Variants in NAV1 observed in about 807,000 individuals in gnomAD.
NAV1 encodes the protein neuron navigator 1, also known as pore membrane and/or filament interacting like protein 3.
Under a neutral mutation model 175.2 loss-of-function variants are expected in NAV1, and 18 were observed. The ratio of observed to expected loss-of-function variants is 0.10; its 90% CI spans 0.07 to 0.15. NAV1 has a LOEUF of 0.15. Ranked by LOEUF, NAV1 falls within the 10% of genes least tolerant of loss-of-function variation. The probability of loss-of-function intolerance (pLI) is 1.00; values close to 1 mark genes in which losing one functional copy is unlikely to be tolerated. For missense variants in NAV1, 1,731 were observed against 2,436.6 expected (o/e 0.71, Z 6.10); for synonymous variants, 897 against 978.7 (o/e 0.92, Z 1.56).
intron 1 of NAV1, among the ~76,000 whole-genome samples, chr1:201,660,079 G>A (rs972895805): frequency 6.6e-6 from 1 of 152,162 alleles, no homozygotes; most frequent in Non-Finnish European, 1.5e-5. Flanking sequence ...GGGCCTTGAT[G>A]GTGACGTGAT....
In NAV1 at chr1:201,808,673, G is replaced by A. The variant is rs371739879; in HGVS notation, c.4039-30G>A. On this transcript the variant is annotated intron_variant, in intron 19 of 29. Transcript: ENST00000367296. The surrounding 1 kb of genome is among the most constrained non-coding windows in gnomAD (Gnocchi z 5.5). ...CCAAGGCTTGCTGTCTGTCCAGTCT[G>A]CCACCCTACCCTGTCTGTTCTTGCC... is the stretch of plus-strand genomic sequence containing the variant. 3.1e-6 allele frequency: 5 copies of A among 1,614,134 alleles called. No individual in the cohort carries two copies. In the African/African-American group the frequency reaches 6.7e-5, roughly 22 times the overall value.
intron 1 of NAV1, among the ~76,000 whole-genome samples, chr1:201,707,595 A>C (rs1243287169): frequency 1.3e-5 from 2 of 152,140 alleles, no homozygotes; most frequent in Non-Finnish European, 2.9e-5. Flanking sequence ...TAGGGTCCCA[A>C]TCTCTTGATG....
At chr1:201,649,523 T>A (rs1281251090) in intron 1 of NAV1, 98 bp downstream of exon 5, 2 of 1,431,146 alleles carry the variant, frequency 1.4e-6, no homozygotes, top group African/African-American at 2.9e-5. Flanking sequence ...CCTTGCGCCT[T>A]CCCGGAGGGC....
chr1:201,607,012 A>C (rs1023521212), intron 2 of NAV1, among the ~76,000 whole-genome samples: 2 of 152,216 alleles, frequency 1.3e-5, no homozygotes, highest in Non-Finnish European at 2.9e-5. Context: ...CAGAGTCCCA[A>C]GCAAAACTAT....
rs1344129538 is a variant in NAV1 at position 201,607,683 on chromosome 1, G to T, written c.-32-15170G>T. Among the ~76,000 whole-genome samples, 7 of 150,530 alleles carry T rather than the reference G, an allele frequency of 4.7e-5. No individual in the cohort carries two copies. The East Asian group carries it at 1.4e-3, about 30-fold the overall frequency. On this transcript the variant is annotated intron_variant, in intron 2 of 33. Transcript: ENST00000685211. ...ATTTTTGTATTTTTAGTAGAGACAGGGTTTCACCATGTTGGCCAGGCTGGT... is the reference window on the plus strand; with the variant it reads ...ATTTTTGTATTTTTAGTAGAGACAGTGTTTCACCATGTTGGCCAGGCTGGT...
At position 201,740,127 on chromosome 1, in the gene NAV1, C is replaced by A. The variant is rs1012816121; in HGVS notation, c.1226+21372C>A. 3.9e-5 allele frequency: 54 copies of A among 1,390,922 alleles called. No individual in the cohort carries two copies. In the African/African-American group the frequency reaches 5.4e-4, roughly 14 times the overall value. 86.2% of individuals were successfully genotyped at this position (1,390,922 alleles called of 1,614,324 possible). ...CACCGCCAGACCGCAGAGCTGGGGTCGGGTTTGTGGCACCCCCAGCCCCGC... is the reference window on the plus strand; with the variant it reads ...CACCGCCAGACCGCAGAGCTGGGGTAGGGTTTGTGGCACCCCCAGCCCCGC... On this transcript the variant is annotated intron_variant, in intron 3 of 29. Coordinates refer to ENST00000367296, the Ensembl canonical transcript of NAV1. The surrounding 1 kb of genome is among the most constrained non-coding windows in gnomAD (Gnocchi z 4.7).
chr1:201,667,400 G>A (rs77491971), intron 1 of NAV1, among the ~76,000 whole-genome samples: 2,370 of 152,266 alleles, frequency 0.016, 64 homozygotes, highest in African/African-American at 0.053. Context: ...GGAAGGAGTG[G>A]GTGGGACCAT....
chr1:201,662,358 G>T (rs1288839456), intron 1 of NAV1, among the ~76,000 whole-genome samples: 1 of 152,236 alleles, frequency 6.6e-6, no homozygotes, highest in Admixed American at 6.5e-5. Flanking sequence ...GTTTAATTCT[G>T]CATTCTGCAC....
rs117569792 is a variant in NAV1, at chr1:201,685,844, G to A, written c.758-26973G>A. Reference sequence around the variant, plus strand: ...GCTCTTCGTATCCACGCTGAACCCCGTCCATTCTTCTGAATGCCCTGGGCT... The same window carrying A: ...GCTCTTCGTATCCACGCTGAACCCCATCCATTCTTCTGAATGCCCTGGGCT... On this transcript the variant is annotated intron_variant, in intron 1 of 29. Transcript: ENST00000367296. Among the ~76,000 whole-genome samples the A allele has an allele frequency of 5.2e-3, 793 of 152,270 alleles. 3 individuals are homozygous for A. The highest frequency in any genetic ancestry group is 0.04 in the East Asian group (210 of 5,186).
At chr1:201,611,679 C>A (rs974623974) in intron 2 of NAV1, among the ~76,000 whole-genome samples, 1 of 152,198 alleles carries the variant, frequency 6.6e-6, no homozygotes, top group African/African-American at 2.4e-5. Context: ...GGTCTGTAAA[C>A]CACAAATATT....
chr1:201,571,527 C>T (rs1666543439), intron 1 of NAV1, among the ~76,000 whole-genome samples: 1 of 152,174 alleles, frequency 6.6e-6, no homozygotes, highest in Non-Finnish European at 1.5e-5. Context: ...GGAAACCAGT[C>T]CCCCACCATG....
At chr1:201,589,214 C>T (rs898849081) in intron 2 of NAV1, among the ~76,000 whole-genome samples, 21 of 152,154 alleles carry the variant, frequency 1.4e-4, no homozygotes, top group African/African-American at 4.8e-4. Context: ...TATTCAGCCC[C>T]ACACTTCTCT....
At position 201,807,815 on chromosome 1, in the gene NAV1, G is replaced by C. The variant is rs1427878878; in HGVS notation, c.3649-138G>C. On this transcript the variant is annotated intron_variant, in intron 17 of 29. Transcript: ENST00000367296. The surrounding 1 kb of genome is among the most constrained non-coding windows in gnomAD (Gnocchi z 5.4). Reference sequence around the variant, plus strand: ...TCTGTCCGTATTCTATGAATCAAGTGAAGTGTTATAGAGGGTGGCTTAATT... The same window carrying C: ...TCTGTCCGTATTCTATGAATCAAGTCAAGTGTTATAGAGGGTGGCTTAATT... The C allele has an allele frequency of 1.3e-6, 1 of 779,346 alleles. No homozygotes were observed. The highest frequency in any genetic ancestry group is 2.3e-5 in the Admixed American group (1 of 43,704). 48.3% of individuals were successfully genotyped at this position (779,346 alleles called of 1,614,324 possible). A position where few individuals can be genotyped will look rare whatever the true frequency, so the allele number is the denominator to read the frequency against.
intron 3 of NAV1, among the ~76,000 whole-genome samples, chr1:201,720,507 C>A (rs1210920123): frequency 1.3e-5 from 2 of 152,224 alleles, no homozygotes; most frequent in Non-Finnish European, 2.9e-5. Flanking sequence ...CACCTGATGG[C>A]CATGGCAGAA....
rs745937268 is a variant in NAV1, at chr1:201,808,449, C to T, written c.3877C>T (p.Leu1293=). ...TGCTCACCCAGCCCCCCACACTAGGCTGTTCCATGCAAATGAGGAGGAGGA... is the reference window on the plus strand; with the variant it reads ...TGCTCACCCAGCCCCCCACACTAGGTTGTTCCATGCAAATGAGGAGGAGGA... The change falls in exon 19 of 30, where the codon CTG becomes TTG. Residue 1293 remains leucine (L), a synonymous_variant. Transcript: ENST00000367296. This position sits in a 1 kb window ranked among gnomAD's most constrained non-coding sequence, Gnocchi z 5.5. The T allele has an allele frequency of 6.2e-7, 1 of 1,614,008 alleles. No individual in the cohort carries two copies. Among genetic ancestry groups the T allele is most frequent in the African/African-American group, 1.3e-5 (1 of 74,946 alleles).
At chr1:201,555,643 C>T (rs866763869) in intron 1 of NAV1, among the ~76,000 whole-genome samples, 5 of 152,078 alleles carry the variant, frequency 3.3e-5, no homozygotes, top group East Asian at 3.9e-4. Context: ...CCATCCCCTG[C>T]GCCATCACCC....
chr1:201,657,445 T>A, intron 1 of NAV1, among the ~76,000 whole-genome samples: 1 of 151,918 alleles, frequency 6.6e-6, no homozygotes, highest in Admixed American at 6.6e-5. Context: ...ATATTTGGGG[T>A]CAGACACCTA....
At chr1:201,682,356 T>C (rs3000763) in intron 1 of NAV1, among the ~76,000 whole-genome samples, 55,720 of 152,090 alleles carry the variant, frequency 0.37, 10,545 homozygotes, top group Admixed American at 0.48. Context: ...CAACCTCTTC[T>C]GAGGTTCTTT....
chr1:201,616,005 AG>A (rs1222807894), intron 2 of NAV1, among the ~76,000 whole-genome samples: 4 of 147,922 alleles, frequency 2.7e-5, no homozygotes, highest in Admixed American at 6.7e-5. Context: ...TTGAAAAAGA[AG>A]GTTTTTTTTT....
Sources: allele counts gnomAD v4.1 joint callset (sites outside exome capture counted in the v4.1 genomes callset), GRCh38; gene constraint gnomAD v4.1.1; non-coding constraint Gnocchi (gnomAD v3.1); transcripts MANE v1.5; gene names NCBI Gene and HGNC (gene_info 2026-07-23, HGNC 2026-07-21).